The following HMGA2 variants were observed in gnomAD, a reference collection of about 807,000 sequenced individuals.
HMGA2 encodes the protein high mobility group AT-hook 2, also known as high mobility group protein HMGI-C.
Under a neutral mutation model 19.1 loss-of-function variants are expected in HMGA2, and 8 were observed. The observed-to-expected ratio is 0.42, with a 90% CI of 0.25 to 0.76. The LOEUF (loss-of-function observed/expected upper bound fraction) is 0.76. Ranked by LOEUF, HMGA2 falls within the 30% of genes least tolerant of loss-of-function variation. The probability of loss-of-function intolerance (pLI) is 0.28; values close to 1 mark genes in which losing one functional copy is unlikely to be tolerated. For missense variants in HMGA2, 109 were observed against 136.3 expected (o/e 0.80, Z 1.00); for synonymous variants, 60 against 48.8 (o/e 1.23, Z -0.96).
chr12:65,877,268 T>C (rs1873094501), intron 3 of HMGA2: 1 of 152,244 alleles, frequency 6.6e-6, no homozygotes, highest in Non-Finnish European at 1.5e-5. Flanking sequence ...GCCCTGCGTC[T>C]GCTGGCTGCT....
rs1234969634 is a variant in HMGA2, at chr12:65,825,276, C to T, written c.6C>T (p.Ser2=). Residue 2 remains serine, a synonymous_variant, in exon 1 of 5, where the codon AGC becomes AGT. Coordinates refer to ENST00000403681, the MANE Select transcript of HMGA2 (RefSeq NM_003483.6). The surrounding 1 kb of genome is among the most constrained non-coding windows in gnomAD (Gnocchi z 4.4). The part of the protein sequence containing the change: M[S]ARGEGAGQPS... ...TAGCGGCGGCGGGAGGCAGGATGAG[C>T]GCACGCGGTGAGGGCGCGGGGCAGC... is the stretch of plus-strand genomic sequence containing the variant. 1 of 1,529,668 alleles carries T rather than the reference C, an allele frequency of 6.5e-7. No homozygotes were observed. Among genetic ancestry groups the T allele is most frequent in the Non-Finnish European group, 8.7e-7 (1 of 1,142,906 alleles). 94.8% of individuals were successfully genotyped at this position (1,529,668 alleles called of 1,614,324 possible). A position where few individuals can be genotyped will look rare whatever the true frequency, so the allele number is the denominator to read the frequency against.
chr12:65,875,587 CTATTTTTTTTTTT>C (rs1872955840), intron 3 of HMGA2, among the ~76,000 whole-genome samples: 2 of 34,062 alleles, frequency 5.9e-5, no homozygotes, highest in Non-Finnish European at 2.0e-4. Context: ...CCGTGCCCGG[CTATTTTTTTTTTT>C]TTTTTTTTTT....
At chr12:65,826,262 G>C (rs946403170) in intron 1 of HMGA2, 8 of 152,402 alleles carry the variant, frequency 5.2e-5, no homozygotes, top group Admixed American at 1.3e-4. Flanking sequence ...GGGCGCCCGG[G>C]ACCCTGCGGA....
chr12:65,870,159 C>G (rs1170987103), intron 3 of HMGA2, among the ~76,000 whole-genome samples: 1 of 152,048 alleles, frequency 6.6e-6, no homozygotes, highest in Non-Finnish European at 1.5e-5. Context: ...ACCTTTCAGT[C>G]TAGGGGTAGA....
chr12:65,880,087 A>G (rs1447426258), intron 3 of HMGA2, among the ~76,000 whole-genome samples: 1 of 152,254 alleles, frequency 6.6e-6, no homozygotes, highest in Admixed American at 6.5e-5. Context: ...AAAAATGTAG[A>G]CAGCTAACGA....
chr12:65,833,455 T>C (rs573866235), intron 2 of HMGA2, among the ~76,000 whole-genome samples: 88 of 151,154 alleles, frequency 5.8e-4, no homozygotes, highest in African/African-American at 2.1e-3. Context: ...GGATTTGCAG[T>C]GGGGGATTTC....
chr12:65,825,028 C>A lies in HMGA2; in HGVS notation c.-243C>A, dbSNP rs553808852. 1 of 431,924 alleles carries A rather than the reference C, an allele frequency of 2.3e-6. No homozygotes were observed. The highest frequency in any genetic ancestry group is 4.1e-6 in the Non-Finnish European group (1 of 243,188). The allele number at this position is 431,924 out of a possible 1,614,324, so 26.8% of individuals were successfully genotyped here. The stretch of plus-strand genomic sequence containing the variant: ...ACCCACCCACCGCCGCCGCCGCCAC[C>A]GGCAGCGCCTCCTCCTCTCCTCCTC... On this transcript the variant is annotated 5_prime_UTR_variant, in exon 1 of 5. Transcript: ENST00000403681. This position sits in a 1 kb window ranked among gnomAD's most constrained non-coding sequence, Gnocchi z 4.4.
At chr12:65,936,212 A>ATTTT (rs5798799) in intron 3 of HMGA2, among the ~76,000 whole-genome samples, 2 of 144,552 alleles carry the variant, frequency 1.4e-5, no homozygotes, top group South Asian at 2.2e-4. Flanking sequence ...TGTTCCATTC[A>ATTTT]TTTTTTTTTT....
At chr12:65,860,895 G>A (rs916972887) in intron 3 of HMGA2, among the ~76,000 whole-genome samples, 1 of 152,156 alleles carries the variant, frequency 6.6e-6, no homozygotes, top group Non-Finnish European at 1.5e-5. Flanking sequence ...TATTCTCAAA[G>A]ATAACAAAAT....
At chr12:65,827,246 A>G (rs1156425202) in intron 1 of HMGA2, among the ~76,000 whole-genome samples, 2 of 152,170 alleles carry the variant, frequency 1.3e-5, no homozygotes, top group Admixed American at 6.5e-5. Flanking sequence ...CTCCACCCCC[A>G]TAAGAGTTTT....
chr12:65,827,241 C>T (rs73115415), intron 1 of HMGA2, among the ~76,000 whole-genome samples: 2,630 of 152,254 alleles, frequency 0.017, 46 homozygotes, highest in South Asian at 0.04. Flanking sequence ...CTCCACTCCA[C>T]CCCCATAAGA....
At chr12:65,909,068 T>G (rs910157152) in intron 3 of HMGA2, among the ~76,000 whole-genome samples, 1 of 152,206 alleles carries the variant, frequency 6.6e-6, no homozygotes, top group African/African-American at 2.4e-5. Context: ...GTTGATCTAA[T>G]TTTTTTAAAG....
At chr12:65,870,616 G>C (rs191047255) in intron 3 of HMGA2, among the ~76,000 whole-genome samples, 1 of 152,312 alleles carries the variant, frequency 6.6e-6, no homozygotes, top group East Asian at 1.9e-4. Context: ...TGTAATCCCA[G>C]CTACTTGGAG....
intron 3 of HMGA2, chr12:65,876,890 A>G (rs1199504977): frequency 6.6e-6 from 1 of 152,532 alleles, no homozygotes; most frequent in Non-Finnish European, 1.5e-5. Flanking sequence ...GAGTAGGCCA[A>G]TTGGTCAGTG....
intron 3 of HMGA2, chr12:65,855,888 CT>C (rs75138426): frequency 0.013 from 1,767 of 139,688 alleles, 23 homozygotes; most frequent in African/African-American, 0.034. Flanking sequence ...GCTGTTTTTT[CT>C]TTTTTTTTTT....
At chr12:65,856,726 C>G (rs1018997669) in intron 3 of HMGA2, 1 of 152,462 alleles carries the variant, frequency 6.6e-6, no homozygotes, top group Non-Finnish European at 1.5e-5. Context: ...TCTGTTCCAT[C>G]TCTTTCCCTT....
intron 3 of HMGA2, chr12:65,873,673 A>C (rs1872823822): frequency 6.6e-6 from 1 of 152,326 alleles, no homozygotes; most frequent in South Asian, 2.1e-4. Flanking sequence ...ATACATACAT[A>C]TATTTAAATG....
chr12:65,927,829 A>ATC (rs1875561147), intron 3 of HMGA2, among the ~76,000 whole-genome samples: 2 of 113,388 alleles, frequency 1.8e-5, no homozygotes, highest in South Asian at 4.0e-4. Context: ...CTCTCTTTGT[A>ATC]TCTGTGTGTG....
chr12:65,831,289 G>T (rs1416144744), intron 2 of HMGA2, among the ~76,000 whole-genome samples: 3 of 151,700 alleles, frequency 2.0e-5, no homozygotes, highest in Non-Finnish European at 3.0e-5. Context: ...GGGTTTTGTT[G>T]TACTTTTTTA....
Sources: gnomAD v4.1 joint callset for allele counts (sites outside exome capture counted in the v4.1 genomes callset) on GRCh38, gnomAD v4.1.1 for gene constraint, Gnocchi (gnomAD v3.1) non-coding constraint, MANE v1.5 for transcripts, NCBI Gene and HGNC (gene_info 2026-07-23, HGNC 2026-07-21) for gene names.